Variants in KIAA1217 observed in about 807,000 individuals in gnomAD.
KIAA1217 encodes the protein sickle tail protein homolog.
In KIAA1217, 88 loss-of-function variants were observed where a neutral mutation model predicts 163.9. That is an observed-to-expected ratio of 0.54 (90% CI 0.45 to 0.64). The LOEUF (loss-of-function observed/expected upper bound fraction) is 0.64, where lower values mean the gene tolerates loss of function less well. Ranked by LOEUF, KIAA1217 falls within the 30% of genes least tolerant of loss-of-function variation. The pLI is 0.00. For missense variants in KIAA1217, 2,372 were observed against 2,475.0 expected (o/e 0.96, Z 0.88); for synonymous variants, 903 against 923.1 (o/e 0.98, Z 0.39).
At chr10:24,216,179 A>T (rs2068791282) in intron 1 of KIAA1217, among the ~76,000 whole-genome samples, 2 of 151,886 alleles carry the variant, frequency 1.3e-5, no homozygotes, top group South Asian at 4.1e-4. Context: ...ATTGGCTCTG[A>T]CCCCCAAAAC....
Position 24,520,164 on chromosome 10 carries a change from C to G in KIAA1217, c.2219C>G (p.Thr740Arg), listed in dbSNP as rs771678693. 3.1e-6 allele frequency: 5 copies of G among 1,613,966 alleles called. No individual in the cohort carries two copies. The highest frequency in any genetic ancestry group is 1.3e-5 in the African/African-American group (1 of 74,910). The change falls in exon 11 of 21, where the codon ACG becomes AGG. Residue 740 changes from threonine to arginine, a missense_variant. Transcript: ENST00000376454. ...DFVEDLKKDS[T>R]AASRLVTLKD... ...GTTGAAGACTTGAAGAAGGACTCCA[C>G]GGCAGCCAGCCGATTGGTTACTCTG...
rs994215548 is a variant in KIAA1217 at position 24,052,178 on chromosome 10, G to A, written c.-171+44804G>A. On this transcript the variant is annotated intron_variant, in intron 2 of 18. Coordinates refer to the KIAA1217 transcript ENST00000376462. ...CAATGGTTGTGCCGATTCTTTATTG[G>A]ATTTTATCTATGTAACTAAGTTATA... is the stretch of plus-strand genomic sequence containing the variant. Among the ~76,000 whole-genome samples the A allele has an allele frequency of 2.0e-5, 3 of 152,194 alleles. No homozygotes were observed. The East Asian group carries it at 5.8e-4, about 29-fold the overall frequency.
chr10:23,915,342 G>A (rs1842593006), intron 1 of KIAA1217, among the ~76,000 whole-genome samples: 1 of 152,140 alleles, frequency 6.6e-6, no homozygotes. Flanking sequence ...GAGTTTACCA[G>A]TGAGGGAGAT....
At chr10:23,992,787 G>C (rs1846276328) in intron 1 of KIAA1217, among the ~76,000 whole-genome samples, 1 of 151,574 alleles carries the variant, frequency 6.6e-6, no homozygotes, top group African/African-American at 2.4e-5. Context: ...TGTTGTGACA[G>C]AGTCACACTA....
In KIAA1217 at chr10:24,269,867, T is replaced by C. The variant is rs192538755; in HGVS notation, c.354+49958T>C. 6.6e-5 allele frequency among the ~76,000 whole-genome samples: 10 copies of C among 152,330 alleles called. No individual in the cohort carries two copies. The East Asian group carries it at 1.9e-3, about 29-fold the overall frequency. On this transcript the variant is annotated intron_variant, in intron 2 of 20. Coordinates refer to ENST00000376454, the MANE Select transcript of KIAA1217 (RefSeq NM_019590.5). ...ATCTAGTGGCAACACTTCTAAAGATTGGGGCCCCGTACTATATACAATGCT... is the reference window on the plus strand; with the variant it reads ...ATCTAGTGGCAACACTTCTAAAGATCGGGGCCCCGTACTATATACAATGCT...
Position 24,433,200 on chromosome 10 carries a change from T to G in KIAA1217, c.752+7T>G. On this transcript the variant is annotated splice_region_variant and intron_variant, in intron 4 of 20. Transcript: ENST00000376454. Reference sequence around the variant, plus strand: ...ATGAATTAAATGATGTAAGGTAAGTTGTGACATCATTTTTTGCCTGCCATT... The same window carrying G: ...ATGAATTAAATGATGTAAGGTAAGTGGTGACATCATTTTTTGCCTGCCATT... 1 of 1,600,720 alleles carries G rather than the reference T, an allele frequency of 6.2e-7. No individual in the cohort carries two copies. Among genetic ancestry groups the G allele is most frequent in the Non-Finnish European group, 8.5e-7 (1 of 1,171,786 alleles).
rs570471460 is a variant in KIAA1217 at position 23,787,926 on chromosome 10, G to A, written c.-321+92692G>A. Among the ~76,000 whole-genome samples the A allele has an allele frequency of 2.0e-5, 3 of 152,192 alleles. No individual in the cohort carries two copies. In the South Asian group the frequency reaches 6.2e-4, roughly 32 times the overall value. On this transcript the variant is annotated intron_variant, in intron 1 of 18. Coordinates refer to the KIAA1217 transcript ENST00000376462. ...AATTAATTATGGGGCTGGGCATGGT[G>A]GCTCACACCTATAATCCCAGGATTT... is the stretch of plus-strand genomic sequence containing the variant.
intron 1 of KIAA1217, among the ~76,000 whole-genome samples, chr10:23,707,775 G>A (rs959167326): frequency 4.6e-5 from 7 of 152,104 alleles, no homozygotes; most frequent in African/African-American, 1.4e-4. Context: ...TCCTTGTCTG[G>A]ATTCACCAGT....
intron 1 of KIAA1217, among the ~76,000 whole-genome samples, chr10:23,924,674 G>T (rs1183351229): frequency 6.6e-6 from 1 of 152,070 alleles, no homozygotes; most frequent in South Asian, 2.1e-4. Flanking sequence ...TGCCTCCAGC[G>T]CTTTTTCTCC....
chr10:24,112,373 T>G (rs2062881848), intron 2 of KIAA1217, among the ~76,000 whole-genome samples: 1 of 152,174 alleles, frequency 6.6e-6, no homozygotes, highest in African/African-American at 2.4e-5. Flanking sequence ...TTTATTTCTG[T>G]GCGAACAGGA....
rs752079976 is a variant in KIAA1217 at position 24,546,042 on chromosome 10, T to C, written c.5550T>C (p.Ser1850=). ...LSPQTGPPAH[S]ASLIPSVSNG... ...CCCAAACAGGACCACCTGCTCACTCTGCCTCCCTCATCCCTTCTGTCTCTA... is the reference window on the plus strand; with the variant it reads ...CCCAAACAGGACCACCTGCTCACTCCGCCTCCCTCATCCCTTCTGTCTCTA... The change falls in exon 21 of 21, where the codon TCT becomes TCC. Residue 1850 remains serine (S), a synonymous_variant. Transcript: ENST00000376454. 1 of 1,614,238 alleles carries C rather than the reference T, an allele frequency of 6.2e-7. No individual in the cohort carries two copies. The highest frequency in any genetic ancestry group is 2.2e-5 in the East Asian group (1 of 44,884).
chr10:23,817,507 A>G (rs571213403), intron 1 of KIAA1217, among the ~76,000 whole-genome samples: 22 of 152,154 alleles, frequency 1.4e-4, no homozygotes, highest in Non-Finnish European at 2.9e-4. Context: ...GATAAGAGAG[A>G]TCCAGAGAGG....
chr10:24,110,800 T>C (rs1394905742), intron 2 of KIAA1217, among the ~76,000 whole-genome samples: 2 of 152,222 alleles, frequency 1.3e-5, no homozygotes, highest in Non-Finnish European at 2.9e-5. Flanking sequence ...GGATTTTAAG[T>C]TATATGGAGA....
intron 2 of KIAA1217, among the ~76,000 whole-genome samples, chr10:24,017,040 G>GT (rs35042335): frequency 0.014 from 1,886 of 130,144 alleles, 31 homozygotes; most frequent in African/African-American, 0.046. Flanking sequence ...TAGTTTTTTT[G>GT]TTTTTTTTTT....
chr10:24,387,821 A>G (rs1338739921), intron 3 of KIAA1217, among the ~76,000 whole-genome samples: 3 of 151,974 alleles, frequency 2.0e-5, no homozygotes, highest in Admixed American at 6.5e-5. Context: ...CAAAGAGAAT[A>G]AAATACCTAG....
At position 24,383,186 on chromosome 10, in the gene KIAA1217, C is replaced by T. The variant is rs75612267; in HGVS notation, c.553+2119C>T. 4.2e-3 allele frequency among the ~76,000 whole-genome samples: 645 copies of T among 152,206 alleles called. 2 individuals are homozygous for T. The highest frequency in any genetic ancestry group is 0.014 in the African/African-American group (593 of 41,524). The stretch of plus-strand genomic sequence containing the variant: ...TCTTAACTCCACTCACACTTAGGAG[C>T]CAGGCAAGGAATGGGATTTCTCCTT... On this transcript the variant is annotated intron_variant, in intron 3 of 20. Transcript: ENST00000376454.
intron 2 of KIAA1217, among the ~76,000 whole-genome samples, chr10:24,036,693 G>A (rs970145478): frequency 4.6e-5 from 7 of 152,020 alleles, no homozygotes; most frequent in Admixed American, 1.3e-4. Context: ...GGAGGGCCCC[G>A]ACCCTTTTTA....
intron 6 of KIAA1217, among the ~76,000 whole-genome samples, chr10:24,478,624 C>G (rs1242177982): frequency 6.6e-6 from 1 of 152,118 alleles, no homozygotes; most frequent in African/African-American, 2.4e-5. Context: ...TCAGCTAGGA[C>G]TCCAAGTAGA....
intron 2 of KIAA1217, among the ~76,000 whole-genome samples, chr10:24,130,456 C>T (rs1417195877): frequency 2.6e-5 from 4 of 152,094 alleles, no homozygotes; most frequent in Non-Finnish European, 5.9e-5. Context: ...TTTTTGTGTG[C>T]ATCAATGAAT....
Sources: allele counts gnomAD v4.1 joint callset (sites outside exome capture counted in the v4.1 genomes callset), GRCh38; gene constraint gnomAD v4.1.1; transcripts MANE v1.5; gene names NCBI Gene and HGNC (gene_info 2026-07-23, HGNC 2026-07-21).